NCOR1: variants seen among roughly 807,000 people sequenced by gnomAD.
NCOR1 encodes protein phosphatase 1, regulatory subunit 109.
In NCOR1, 63 loss-of-function variants were observed where a neutral mutation model predicts 288.1. That is an observed-to-expected ratio of 0.22 (90% CI 0.18 to 0.27). The LOEUF (loss-of-function observed/expected upper bound fraction) is 0.27. Ranked by LOEUF, NCOR1 falls within the 10% of genes least tolerant of loss-of-function variation. The pLI is 1.00. For synonymous variants in NCOR1, 1,007 were observed against 1,065.9 expected, an observed-to-expected ratio of 0.94 and a Z score of 1.08; for missense variants, 2,397 against 3,019.2, an observed-to-expected ratio of 0.79 and a Z score of 4.83.
intron 22 of NCOR1, among the ~76,000 whole-genome samples, chr17:16,089,240 C>A (rs1026606619): frequency 6.6e-6 from 1 of 151,454 alleles, no homozygotes; most frequent in Non-Finnish European, 1.5e-5. Flanking sequence ...AAACATGCAA[C>A]AAACTAGGGT....
chr17:16,106,872 TA>T (rs1568054746), intron 19 of NCOR1, among the ~76,000 whole-genome samples: 49 of 55,648 alleles, frequency 8.8e-4, no homozygotes, highest in African/African-American at 4.0e-3. Flanking sequence ...TATATATATA[TA>T]TATATATATA....
chr17:16,090,235 C>T (rs2064959280), intron 22 of NCOR1, among the ~76,000 whole-genome samples: 1 of 152,126 alleles, frequency 6.6e-6, no homozygotes, highest in African/African-American at 2.4e-5. Context: ...CCAGATATTA[C>T]TAACAATGAT....
At chr17:16,129,324 G>T (rs1254316216) in intron 14 of NCOR1, among the ~76,000 whole-genome samples, 1 of 152,030 alleles carries the variant, frequency 6.6e-6, no homozygotes, top group African/African-American at 2.4e-5. Context: ...TCCTCATTGT[G>T]ACCTTTGAAC....
intron 22 of NCOR1, 34 bp downstream of exon 22, chr17:16,091,829 A>G: frequency 6.2e-7 from 1 of 1,613,066 alleles, no homozygotes; most frequent in African/African-American, 1.3e-5. Context: ...TTCCCTTCAT[A>G]AAAGTTCTCT....
rs2152750983 is a variant in NCOR1 at position 16,073,558 on chromosome 17, C to A, written c.3682G>T (p.Ala1228Ser). Residue 1228 changes from alanine (A) to serine (S), a missense_variant, in exon 28 of 46, where the codon GCC becomes TCC. This residue lies in a region of NCOR1 where 1,872 missense variants were observed against 2,187.8 expected (regional missense o/e 0.86). Coordinates refer to ENST00000268712, the MANE Select transcript of NCOR1 (RefSeq NM_006311.4). ...CTTGGACTCCTAGTCCCTTCTCGGG[C>A]ATTCTTAATATCTACAGAATACACA... ...HILSYDNIKN[A>S]REGTRSPRTA... 1 of 1,606,338 alleles carries A rather than the reference C, an allele frequency of 6.2e-7. No individual in the cohort carries two copies. Among genetic ancestry groups the A allele is most frequent in the Admixed American group, 1.7e-5 (1 of 58,750 alleles).
chr17:16,040,436 C>A lies in NCOR1; in HGVS notation c.6733+5G>T. On this transcript the variant is annotated splice_donor_5th_base_variant and intron_variant, in intron 43 of 45. Transcript: ENST00000268712. The stretch of plus-strand genomic sequence containing the variant: ...TATTGGTAAATAATGTCTTTTCAAT[C>A]TTACCTGACGTAGTAACTGCTGGCA... 1 of 1,613,294 alleles carries A rather than the reference C, an allele frequency of 6.2e-7. No homozygotes were observed. Among genetic ancestry groups the A allele is most frequent in the Non-Finnish European group, 8.5e-7 (1 of 1,179,604 alleles).
At position 16,048,832 on chromosome 17, in the gene NCOR1, G is replaced by A. The variant is rs780649698; in HGVS notation, c.6536+13C>T. On this transcript the variant is annotated intron_variant, in intron 41 of 45. Coordinates refer to ENST00000268712, the MANE Select transcript of NCOR1 (RefSeq NM_006311.4). ...CGCCATGAATGGTTGCTGTCACTAGGAAGCACACTTACCTCTGCTCTGCAG... is the reference window on the plus strand; with the variant it reads ...CGCCATGAATGGTTGCTGTCACTAGAAAGCACACTTACCTCTGCTCTGCAG... 4 of 1,586,406 alleles carry A rather than the reference G, an allele frequency of 2.5e-6. No individual in the cohort carries two copies. Among genetic ancestry groups the A allele is most frequent in the South Asian group, 2.3e-5 (2 of 88,078 alleles).
chr17:16,056,608 G>A (rs577406141), intron 40 of NCOR1, among the ~76,000 whole-genome samples: 8 of 151,990 alleles, frequency 5.3e-5, no homozygotes, highest in African/African-American at 1.7e-4. Context: ...GAGCCACCAC[G>A]CCCGGCCTTC....
At chr17:16,170,024 A>G (rs1375596362) in intron 4 of NCOR1, among the ~76,000 whole-genome samples, 2 of 152,120 alleles carry the variant, frequency 1.3e-5, no homozygotes, top group African/African-American at 2.4e-5. Context: ...AATTTACTTA[A>G]AAGTTGAAGG....
At position 16,182,064 on chromosome 17, in the gene NCOR1, G is replaced by A. The variant is rs542001960; in HGVS notation, c.242+4490C>T. Among the ~76,000 whole-genome samples the A allele has an allele frequency of 1.6e-4, 25 of 152,202 alleles. No homozygotes were observed. The East Asian group carries it at 4.6e-3, about 28-fold the overall frequency. On this transcript the variant is annotated intron_variant, in intron 3 of 45. Transcript: ENST00000268712. Reference sequence around the variant, plus strand: ...TCAGATCACTGTGATTGTTGGTCTAGAAATTGGAAGGCACTCAGAGAATTA... The same window carrying A: ...TCAGATCACTGTGATTGTTGGTCTAAAAATTGGAAGGCACTCAGAGAATTA...
chr17:16,077,506 A>AGGGGGGAGGAGGG (rs2062685229), intron 26 of NCOR1, among the ~76,000 whole-genome samples: 2 of 26,518 alleles, frequency 7.5e-5, no homozygotes, highest in African/African-American at 3.8e-4. Context: ...AGGAGAGGGG[A>AGGGGGGAGGAGGG]GGAGAGGGGA....
In NCOR1 at chr17:16,075,685, G is replaced by C. The variant is rs778286151; in HGVS notation, c.3519C>G (p.Pro1173=). ...AAGCCTCTGTTGGTATGCCAGTCTG[G>C]GGCAGAGCCGGGGTGCCCTGCCATC... ...GSITQGTPAL[P]QTGIPTEALV... The change falls in exon 27 of 46, where the codon CCC becomes CCG. Residue 1173 remains proline (P), a synonymous_variant. Transcript: ENST00000268712. 1 of 1,614,084 alleles carries C rather than the reference G, an allele frequency of 6.2e-7. No homozygotes were observed. The highest frequency in any genetic ancestry group is 1.1e-5 in the South Asian group (1 of 91,078).
In NCOR1 at chr17:16,072,093, T is replaced by G; in HGVS notation, c.3895+52A>C. 4 of 1,357,242 alleles carry G rather than the reference T, an allele frequency of 2.9e-6. No individual in the cohort carries two copies. The South Asian group carries it at 5.2e-5, about 18-fold the overall frequency. 84.1% of individuals were successfully genotyped at this position (1,357,242 alleles called of 1,614,324 possible). A position where few individuals can be genotyped will look rare whatever the true frequency, so the allele number is the denominator to read the frequency against. On this transcript the variant is annotated intron_variant, in intron 29 of 45. Coordinates refer to ENST00000268712, the MANE Select transcript of NCOR1 (RefSeq NM_006311.4). Reference sequence around the variant, plus strand: ...ACACTGTAAATTAATGTCAAACTATTTTGCCAGGGAGGCAGTTATAAATAA... The same window carrying G: ...ACACTGTAAATTAATGTCAAACTATGTTGCCAGGGAGGCAGTTATAAATAA...
intron 37 of NCOR1, among the ~76,000 whole-genome samples, chr17:16,060,736 G>T (rs1393229911): frequency 6.6e-6 from 1 of 152,038 alleles, no homozygotes; most frequent in African/African-American, 2.4e-5. Flanking sequence ...GATTATATAT[G>T]ATTAAATTAC....
At chr17:16,089,206 G>C (rs536201653) in intron 22 of NCOR1, among the ~76,000 whole-genome samples, 1 of 150,218 alleles carries the variant, frequency 6.7e-6, no homozygotes, top group Non-Finnish European at 1.5e-5. Context: ...AGCAGGAAAA[G>C]AAAAACAGCA....
At position 16,177,030 on chromosome 17, in the gene NCOR1, T is replaced by C. The variant is rs139555787; in HGVS notation, c.243-5035A>G. On this transcript the variant is annotated intron_variant, in intron 3 of 45. Transcript: ENST00000268712. ...TTATAGTATACTGGATGATCTTTAT[T>C]TGTCCTCCCTACAAGTTCTTTCTAA... Among the ~76,000 whole-genome samples the C allele has an allele frequency of 6.6e-3, 1,000 of 152,170 alleles. 6 individuals are homozygous for C. The highest frequency in any genetic ancestry group is 0.01 in the Non-Finnish European group (711 of 68,018).
chr17:16,176,822 T>G (rs1187350814), intron 3 of NCOR1, among the ~76,000 whole-genome samples: 1 of 152,070 alleles, frequency 6.6e-6, no homozygotes, highest in Non-Finnish European at 1.5e-5. Flanking sequence ...TCCTTGAAAT[T>G]TAATTCCTCA....
intron 6 of NCOR1, among the ~76,000 whole-genome samples, 195 bp downstream of exon 6, chr17:16,158,565 C>T (rs2080200052): frequency 6.6e-6 from 1 of 151,960 alleles, no homozygotes; most frequent in Non-Finnish European, 1.5e-5. Flanking sequence ...ATTTAAGGCA[C>T]AACTGTAAAC....
At chr17:16,042,014 G>A (rs572204251) in intron 42 of NCOR1, among the ~76,000 whole-genome samples, 2 of 152,278 alleles carry the variant, frequency 1.3e-5, no homozygotes, top group East Asian at 3.9e-4. Context: ...GATTACAGGT[G>A]TGAGCCACCG....
Sources: gnomAD v4.1 joint callset for allele counts (sites outside exome capture counted in the v4.1 genomes callset) on GRCh38, gnomAD v4.1.1 for gene constraint, gnomAD v4.1.1 regional missense constraint, MANE v1.5 for transcripts, NCBI Gene and HGNC (gene_info 2026-07-23, HGNC 2026-07-21) for gene names.